The following ZNG1A variants were observed in gnomAD, a reference collection of about 807,000 sequenced individuals.
ZNG1A encodes the protein Zn regulated GTPase metalloprotein activator 1A, also known as zinc-regulated GTPase metalloprotein activator 1A.
the ZNG1A span, among the ~76,000 whole-genome samples, chr9:138,904 A>G: frequency 2.0e-5 from 3 of 147,928 alleles, no homozygotes; most frequent in African/African-American, 7.6e-5. Flanking sequence ...CCATCTCAAA[A>G]AAATAAATAA....
At chr9:126,925 T>C in the ZNG1A span, among the ~76,000 whole-genome samples, 1 of 152,164 alleles carries the variant, frequency 6.6e-6, no homozygotes, top group Non-Finnish European at 1.5e-5. Flanking sequence ...CATTTCCATC[T>C]TGATTTCATC....
the ZNG1A span, among the ~76,000 whole-genome samples, chr9:135,400 C>CT: frequency 9.1e-6 from 1 of 110,260 alleles, no homozygotes; most frequent in Admixed American, 9.6e-5. Context: ...AGTTCCTTAA[C>CT]TTTCTCCTGC....
the ZNG1A span, chr9:123,071 T>G: frequency 1.0e-5 from 16 of 1,537,718 alleles, no homozygotes; most frequent in East Asian, 2.3e-5. Flanking sequence ...CCAAAGCTCC[T>G]TTTCAGTCAC....
chr9:129,861 A>G, the ZNG1A span, among the ~76,000 whole-genome samples: 1 of 145,148 alleles, frequency 6.9e-6, no homozygotes, highest in Non-Finnish European at 1.5e-5. Flanking sequence ...GGATACATAA[A>G]GAGAAATGAG....
the ZNG1A span, chr9:150,116 G>GTTTTTTTTTTTTTTTTTTT: frequency 4.9e-5 from 5 of 101,388 alleles, 2 homozygotes; most frequent in Non-Finnish European, 7.5e-5. Flanking sequence ...CAAATCTCCG[G>GTTTTTTTTTTTTTTTTTTT]TTTTGTTTTT....
At chr9:125,104 C>G in the ZNG1A span, among the ~76,000 whole-genome samples, 111 of 152,176 alleles carry the variant, frequency 7.3e-4, no homozygotes, top group Non-Finnish European at 1.4e-3. Flanking sequence ...AATGGTAGTT[C>G]TACTTTTAGT....
the ZNG1A span, among the ~76,000 whole-genome samples, chr9:133,762 T>G: frequency 1.3e-5 from 2 of 148,894 alleles, no homozygotes; most frequent in Non-Finnish European, 3.0e-5. Flanking sequence ...ACGCAGCTTT[T>G]CATTCTTGTA....
chr9:140,658 C>T, the ZNG1A span, among the ~76,000 whole-genome samples: 59 of 151,768 alleles, frequency 3.9e-4, no homozygotes, highest in Non-Finnish European at 7.4e-4. Flanking sequence ...AGGAACGCAG[C>T]TCCTCACCAG....
chr9:145,829 A>G, the ZNG1A span, among the ~76,000 whole-genome samples: 1 of 151,970 alleles, frequency 6.6e-6, no homozygotes, highest in East Asian at 1.9e-4. Context: ...TCATAGAAAG[A>G]GTATTAGACA....
chr9:142,753 G>T, the ZNG1A span, among the ~76,000 whole-genome samples: 1 of 145,782 alleles, frequency 6.9e-6, no homozygotes, highest in Middle Eastern at 3.2e-3. Flanking sequence ...ATGAATCCAG[G>T]AGCTGGTTTT....
chr9:143,818 CCTT>C, the ZNG1A span, among the ~76,000 whole-genome samples: 1 of 95,526 alleles, frequency 1.0e-5, no homozygotes, highest in Non-Finnish European at 1.9e-5. Context: ...CCCAAAATCT[CCTT>C]AAGCTGATAA....
the ZNG1A span, among the ~76,000 whole-genome samples, chr9:142,913 C>T: frequency 1.8e-5 from 2 of 111,844 alleles, no homozygotes; most frequent in East Asian, 2.7e-4. Flanking sequence ...ATACTACAAA[C>T]ACCTCTACGC....
chr9:178,040 T>C, the ZNG1A span, among the ~76,000 whole-genome samples: 1 of 149,784 alleles, frequency 6.7e-6, no homozygotes, highest in African/African-American at 2.5e-5. Context: ...TCTTAACTTT[T>C]TCCAAACTTC....
chr9:174,366 A>T, the ZNG1A span, among the ~76,000 whole-genome samples: 1 of 152,048 alleles, frequency 6.6e-6, no homozygotes, highest in East Asian at 1.9e-4. Context: ...ACACTTACAT[A>T]TTTTTTATAT....
chr9:171,179 T>C, the ZNG1A span, among the ~76,000 whole-genome samples: 1 of 152,110 alleles, frequency 6.6e-6, no homozygotes, highest in Non-Finnish European at 1.5e-5. Context: ...GGGGATGATG[T>C]TATTATGTAA....
the ZNG1A span, among the ~76,000 whole-genome samples, chr9:169,268 T>A: frequency 2.8e-3 from 417 of 149,606 alleles, 6 homozygotes; most frequent in African/African-American, 0.01. Context: ...TAACTGCCGA[T>A]GTGGTGGAAA....
chr9:133,193 CT>C, the ZNG1A span, among the ~76,000 whole-genome samples: 1 of 140,276 alleles, frequency 7.1e-6, no homozygotes, highest in African/African-American at 2.8e-5. Context: ...CTCAGATCCA[CT>C]AAACCAAATG....
At chr9:144,182 T>C in the ZNG1A span, among the ~76,000 whole-genome samples, 2 of 83,540 alleles carry the variant, frequency 2.4e-5, no homozygotes, top group Non-Finnish European at 4.4e-5. Context: ...CTTCACAGAA[T>C]TGGAAAAAAC....
the ZNG1A span, among the ~76,000 whole-genome samples, chr9:128,996 G>T: frequency 6.6e-6 from 1 of 151,746 alleles, no homozygotes. Context: ...GGCTGGTACT[G>T]GGGGGTAGTC....
Sources: gnomAD v4.1 joint callset for allele counts (sites outside exome capture counted in the v4.1 genomes callset) on GRCh38, gnomAD v4.1.1 for gene constraint, MANE v1.5 for transcripts, NCBI Gene and HGNC (gene_info 2026-07-23, HGNC 2026-07-21) for gene names.